The following RABGAP1L variants were observed in gnomAD, a reference collection of about 807,000 sequenced individuals.
RABGAP1L encodes the protein rab GTPase-activating protein 1-like.
A neutral mutation model predicts 137.7 loss-of-function variants in RABGAP1L; 63 were observed. The ratio of observed to expected loss-of-function variants is 0.46; its 90% CI spans 0.37 to 0.56. RABGAP1L has a LOEUF of 0.56. RABGAP1L is among the 20% of genes least tolerant of loss of function. The pLI, the probability that RABGAP1L is intolerant of heterozygous loss-of-function variation, is 0.00. For synonymous variants in RABGAP1L, 431 were observed against 433.7 expected, an observed-to-expected ratio of 0.99 and a Z score of 0.08; for missense variants, 1,095 against 1,244.0, an observed-to-expected ratio of 0.88 and a Z score of 1.80.
At position 174,584,939 on chromosome 1, in the gene RABGAP1L, A is replaced by G. The variant is rs1669009315; in HGVS notation, c.1711-52436A>G. 3.9e-5 allele frequency among the ~76,000 whole-genome samples: 6 copies of G among 152,228 alleles called. No homozygotes were observed. The South Asian group carries it at 1.2e-3, about 32-fold the overall frequency. ...GTTAAAATCTAGTCCTGCCCTGTCC[A>G]ATGTAATAACCACTAGCCACATGTA... On this transcript the variant is annotated intron_variant, in intron 13 of 25. Transcript: ENST00000681986.
chr1:174,733,157 A>G (rs1051756214), intron 17 of RABGAP1L, among the ~76,000 whole-genome samples: 1 of 152,174 alleles, frequency 6.6e-6, no homozygotes, highest in African/African-American at 2.4e-5. Flanking sequence ...TGCCTCTCCA[A>G]AAAAGAATAA....
intron 18 of RABGAP1L, among the ~76,000 whole-genome samples, chr1:174,806,705 C>T (rs1381087342): frequency 9.2e-5 from 14 of 152,194 alleles, no homozygotes; most frequent in African/African-American, 2.4e-5. Context: ...TGGTTGACAC[C>T]ATGTTTTATT....
chr1:174,634,888 T>TG (rs1401876966), intron 13 of RABGAP1L, among the ~76,000 whole-genome samples: 1 of 77,924 alleles, frequency 1.3e-5, no homozygotes, highest in Non-Finnish European at 2.4e-5. Context: ...TGTGGTGGGG[T>TG]GGGGGGAGGG....
At chr1:174,803,938 G>A (rs976518959) in intron 18 of RABGAP1L, among the ~76,000 whole-genome samples, 1 of 151,864 alleles carries the variant, frequency 6.6e-6, no homozygotes, top group Non-Finnish European at 1.5e-5. Flanking sequence ...TCAGGTGTGG[G>A]GGTGGGCGCC....
chr1:174,885,626 G>T (rs1654953531), intron 19 of RABGAP1L, among the ~76,000 whole-genome samples: 1 of 151,926 alleles, frequency 6.6e-6, no homozygotes, highest in African/African-American at 2.4e-5. Context: ...AAAGTGCTGA[G>T]ATTACAAGCG....
At chr1:174,612,507 C>G (rs942890157) in intron 13 of RABGAP1L, among the ~76,000 whole-genome samples, 13 of 152,142 alleles carry the variant, frequency 8.5e-5, no homozygotes, top group South Asian at 8.3e-4. Context: ...GGATATTGGT[C>G]TAAAATTCTC....
At chr1:174,759,993 C>T (rs928536465) in intron 18 of RABGAP1L, among the ~76,000 whole-genome samples, 1 of 152,116 alleles carries the variant, frequency 6.6e-6, no homozygotes, top group Non-Finnish European at 1.5e-5. Context: ...GGACAAACAT[C>T]CAAACCATAT....
intron 13 of RABGAP1L, among the ~76,000 whole-genome samples, chr1:174,431,434 A>G (rs944710080): frequency 1.3e-5 from 2 of 152,118 alleles, no homozygotes; most frequent in Non-Finnish European, 2.9e-5. Context: ...CTCCTGTGTT[A>G]TTTTTAAGTG....
intron 18 of RABGAP1L, chr1:174,800,060 C>G (rs1688610430): frequency 7.9e-7 from 1 of 1,263,532 alleles, no homozygotes. Context: ...CTGCATCACT[C>G]TTGGCCATTT....
intron 17 of RABGAP1L, among the ~76,000 whole-genome samples, chr1:174,739,772 G>A (rs539652566): frequency 6.6e-6 from 1 of 152,288 alleles, no homozygotes; most frequent in East Asian, 1.9e-4. Flanking sequence ...ATTGTAAAAT[G>A]GAGGTAATTA....
chr1:174,226,645 G>T lies in RABGAP1L; in HGVS notation c.332-4500G>T, dbSNP rs113257446. On this transcript the variant is annotated intron_variant, in intron 3 of 25. Transcript: ENST00000681986. ...TTTTCTTAATGAATTGACCATTTTAGCCTTGTGAAATATCCGTTTTCTTTT... is the reference window on the plus strand; with the variant it reads ...TTTTCTTAATGAATTGACCATTTTATCCTTGTGAAATATCCGTTTTCTTTT... Among the ~76,000 whole-genome samples the T allele has an allele frequency of 1.2e-3, 184 of 152,150 alleles. 1 individual carries two copies. The highest frequency in any genetic ancestry group is 4.0e-3 in the African/African-American group (166 of 41,526).
chr1:174,615,806 C>T (rs1671783707), intron 13 of RABGAP1L, among the ~76,000 whole-genome samples: 1 of 152,240 alleles, frequency 6.6e-6, no homozygotes, highest in Non-Finnish European at 1.5e-5. Flanking sequence ...CCCAGCCTCG[C>T]TGCCGCCTTG....
intron 18 of RABGAP1L, chr1:174,800,197 T>C: frequency 7.1e-7 from 1 of 1,400,768 alleles, no homozygotes; most frequent in Non-Finnish European, 9.3e-7. Flanking sequence ...GTGGAGACAT[T>C]AGCTGACAAT....
In RABGAP1L at chr1:174,706,566, CTT is replaced by C. The variant is rs1418703970; in HGVS notation, c.2169+4314_2169+4315del. ...TAAAACATTGCAGTCTTTAAAATAA[CTT>C]TTTATTGAAGTATAATAACAGATAA... On this transcript the variant is annotated intron_variant, in intron 17 of 25. Transcript: ENST00000681986. Among the ~76,000 whole-genome samples, 5 of 152,000 alleles carry C rather than the reference CTT, an allele frequency of 3.3e-5. No individual in the cohort carries two copies. The East Asian group carries it at 9.6e-4, about 29-fold the overall frequency.
chr1:174,472,279 G>T (rs1212518401), intron 13 of RABGAP1L, among the ~76,000 whole-genome samples: 1 of 152,214 alleles, frequency 6.6e-6, no homozygotes, highest in African/African-American at 2.4e-5. Context: ...AATGAGACAG[G>T]TATGGTGGGA....
intron 11 of RABGAP1L, among the ~76,000 whole-genome samples, chr1:174,349,595 C>A (rs1450999978): frequency 7.0e-6 from 1 of 143,468 alleles, no homozygotes; most frequent in Non-Finnish European, 1.6e-5. Flanking sequence ...CTGACCCCCC[C>A]CACCTCCCTC....
At chr1:174,733,700 C>T (rs1485596655) in intron 17 of RABGAP1L, among the ~76,000 whole-genome samples, 1 of 152,128 alleles carries the variant, frequency 6.6e-6, no homozygotes, top group Non-Finnish European at 1.5e-5. Context: ...AATTTCTGAC[C>T]TAATAAAACA....
At chr1:174,404,817 T>C (rs1366644577) in intron 13 of RABGAP1L, among the ~76,000 whole-genome samples, 2 of 152,180 alleles carry the variant, frequency 1.3e-5, no homozygotes, top group Non-Finnish European at 2.9e-5. Flanking sequence ...AAAAGGGCAA[T>C]AGTTGCAAAT....
chr1:174,162,585 G>T (rs919048772), intron 1 of RABGAP1L, among the ~76,000 whole-genome samples: 2 of 152,036 alleles, frequency 1.3e-5, no homozygotes, highest in Non-Finnish European at 2.9e-5. Context: ...AGGGGGTTTG[G>T]AGAATGAAGT....
Sources: allele counts gnomAD v4.1 joint callset (sites outside exome capture counted in the v4.1 genomes callset), GRCh38; gene constraint gnomAD v4.1.1; transcripts MANE v1.5; gene names NCBI Gene and HGNC (gene_info 2026-07-23, HGNC 2026-07-21).